The following AP2B1 variants were observed in gnomAD, a reference collection of about 807,000 sequenced individuals.
AP2B1 encodes AP-2 complex subunit beta.
A neutral mutation model predicts 102.0 loss-of-function variants in AP2B1; 23 were observed. The observed-to-expected ratio is 0.23, with a 90% CI of 0.16 to 0.32. The LOEUF is 0.32. Among genes scored for constraint, AP2B1 ranks in the 10% least tolerant of loss-of-function variants. The probability of loss-of-function intolerance (pLI) is 1.00; values close to 1 mark genes in which losing one functional copy is unlikely to be tolerated. For synonymous variants in AP2B1, 381 were observed against 421.2 expected, an observed-to-expected ratio of 0.90 and a Z score of 1.17; for missense variants, 541 against 1,157.4, an observed-to-expected ratio of 0.47 and a Z score of 7.73.
chr17:35,706,041 C>T (rs2076334206), intron 18 of AP2B1, among the ~76,000 whole-genome samples: 1 of 152,178 alleles, frequency 6.6e-6, no homozygotes, highest in South Asian at 2.1e-4. Context: ...TGCTGTGAAC[C>T]TCTGTATCTG....
intron 21 of AP2B1, among the ~76,000 whole-genome samples, chr17:35,722,993 A>G (rs2085447200): frequency 6.6e-6 from 1 of 152,184 alleles, no homozygotes; most frequent in Non-Finnish European, 1.5e-5. Flanking sequence ...GAGGTATCTG[A>G]TTTGCCTGTC....
chr17:35,699,578 C>T (rs6505492), intron 18 of AP2B1, among the ~76,000 whole-genome samples: 73,011 of 151,934 alleles, frequency 0.48, 17,604 homozygotes, highest in East Asian at 0.52. Flanking sequence ...GAACTAAAGA[C>T]GCTGTCCAGT....
intron 5 of AP2B1, among the ~76,000 whole-genome samples, chr17:35,609,918 G>A (rs2073805585): frequency 1.3e-5 from 2 of 152,122 alleles, no homozygotes; most frequent in African/African-American, 4.8e-5. Flanking sequence ...TATCCTTCAA[G>A]ATTAGTATTA....
At chr17:35,689,938 T>A (rs1409936526) in intron 18 of AP2B1, among the ~76,000 whole-genome samples, 3 of 152,242 alleles carry the variant, frequency 2.0e-5, no homozygotes, top group Non-Finnish European at 4.4e-5. Context: ...TTTCTTGTAT[T>A]TCTCTGGCTT....
At chr17:35,689,395 G>A (rs1252100942) in intron 18 of AP2B1, among the ~76,000 whole-genome samples, 3 of 152,124 alleles carry the variant, frequency 2.0e-5, no homozygotes, top group East Asian at 1.9e-4. Flanking sequence ...GGCCAGGCTG[G>A]TCTCGGATTC....
chr17:35,623,929 T>C (rs1318518826), intron 5 of AP2B1, among the ~76,000 whole-genome samples: 3 of 152,196 alleles, frequency 2.0e-5, no homozygotes, highest in African/African-American at 7.2e-5. Flanking sequence ...GGCCCACATA[T>C]TCTCACTCTA....
intron 9 of AP2B1, among the ~76,000 whole-genome samples, chr17:35,628,977 G>C (rs1490073203): frequency 6.6e-6 from 1 of 151,690 alleles, no homozygotes; most frequent in East Asian, 1.9e-4. Flanking sequence ...TTTTGAGACA[G>C]AGTCTCTGTT....
intron 13 of AP2B1, among the ~76,000 whole-genome samples, chr17:35,652,451 A>G (rs2075111158): frequency 1.3e-5 from 2 of 152,166 alleles, no homozygotes; most frequent in Non-Finnish European, 2.9e-5. Flanking sequence ...GTCTTTTAAA[A>G]TCATCTGGGA....
chr17:35,621,372 G>C (rs2074172413), intron 5 of AP2B1: 1 of 981,622 alleles, frequency 1.0e-6, no homozygotes, highest in Admixed American at 6.2e-5. Flanking sequence ...TGGTGAGCCT[G>C]CCTCAGTATG....
intron 14 of AP2B1, among the ~76,000 whole-genome samples, chr17:35,665,018 T>C (rs1227221381): frequency 6.6e-6 from 1 of 152,186 alleles, no homozygotes; most frequent in Non-Finnish European, 1.5e-5. Flanking sequence ...GCGTTTATGC[T>C]ATTCCTTATC....
At chr17:35,678,808 A>G (rs2075755258) in intron 17 of AP2B1, among the ~76,000 whole-genome samples, 1 of 152,084 alleles carries the variant, frequency 6.6e-6, no homozygotes, top group African/African-American at 2.4e-5. Flanking sequence ...CATTTCTGAT[A>G]TGATTTACTT....
chr17:35,703,242 G>A (rs1241090299), intron 18 of AP2B1, among the ~76,000 whole-genome samples: 1 of 132,788 alleles, frequency 7.5e-6, no homozygotes, highest in Non-Finnish European at 1.5e-5. Flanking sequence ...TCCAGCCTGG[G>A]TGACAGAGCC....
At chr17:35,606,475 A>G (rs1268653749) in intron 4 of AP2B1, among the ~76,000 whole-genome samples, 2 of 152,200 alleles carry the variant, frequency 1.3e-5, no homozygotes, top group Admixed American at 6.5e-5. Context: ...CCTAACTTCA[A>G]GTGATCCACC....
At chr17:35,680,716 T>C (rs1404587937) in intron 17 of AP2B1, among the ~76,000 whole-genome samples, 20 of 149,482 alleles carry the variant, frequency 1.3e-4, no homozygotes, top group South Asian at 4.2e-4. Flanking sequence ...TTTTTTTTTT[T>C]CAGACAGTCT....
chr17:35,714,922 A>G (rs1255621723), intron 20 of AP2B1, among the ~76,000 whole-genome samples: 1 of 152,160 alleles, frequency 6.6e-6, no homozygotes, highest in Non-Finnish European at 1.5e-5. Context: ...TGTTTCCCAG[A>G]AGGTCAAAAT....
chr17:35,663,825 C>CA (rs1379800403), intron 14 of AP2B1, among the ~76,000 whole-genome samples: 1 of 152,186 alleles, frequency 6.6e-6, no homozygotes. Flanking sequence ...TAATGTGTCA[C>CA]ATGAAAGTTG....
intron 12 of AP2B1, among the ~76,000 whole-genome samples, chr17:35,642,477 G>A (rs981522301): frequency 6.6e-6 from 1 of 152,150 alleles, no homozygotes; most frequent in African/African-American, 2.4e-5. Context: ...AAGAAAAGAA[G>A]TTTAGATGGA....
At chr17:35,665,088 A>G (rs564900341) in intron 14 of AP2B1, among the ~76,000 whole-genome samples, 5 of 141,470 alleles carry the variant, frequency 3.5e-5, no homozygotes, top group African/African-American at 7.9e-5. Flanking sequence ...CTTTCCACCA[A>G]TTTGATTAAT....
At chr17:35,659,489 G>A (rs1281787571) in intron 14 of AP2B1, among the ~76,000 whole-genome samples, 1 of 152,140 alleles carries the variant, frequency 6.6e-6, no homozygotes, top group Non-Finnish European at 1.5e-5. Context: ...TTACATAGCT[G>A]CCCAGTCATC....
Sources: gnomAD v4.1 joint callset for allele counts (sites outside exome capture counted in the v4.1 genomes callset) on GRCh38, gnomAD v4.1.1 for gene constraint, MANE v1.5 for transcripts, NCBI Gene and HGNC (gene_info 2026-07-23, HGNC 2026-07-21) for gene names.